IFT140: variants seen among roughly 807,000 people sequenced by gnomAD.
The protein encoded by IFT140 is intraflagellar transport protein 140 homolog.
Under a neutral mutation model 164.6 loss-of-function variants are expected in IFT140, and 133 were observed. That is an observed-to-expected ratio of 0.81 (90% confidence interval 0.70 to 0.93). The LOEUF is 0.93. IFT140 is among the 40% of genes least tolerant of loss of function. IFT140 has a pLI of 0.00. For synonymous variants in IFT140, 860 were observed against 817.3 expected, an observed-to-expected ratio of 1.05 and a Z score of -0.89; for missense variants, 2,045 against 1,972.3, an observed-to-expected ratio of 1.04 and a Z score of -0.70.
intron 15 of IFT140, 24 bp downstream of exon 15, chr16:1,568,193 C>T (rs370625485): frequency 2.5e-5 from 38 of 1,526,518 alleles, no homozygotes; most frequent in African/African-American, 1.5e-4. Flanking sequence ...GCGGAGTGGG[C>T]GAGTGGACGA....
intron 12 of IFT140, among the ~76,000 whole-genome samples, chr16:1,581,341 T>C (rs1017854303): frequency 1.1e-4 from 16 of 152,164 alleles, no homozygotes; most frequent in Non-Finnish European, 2.9e-5. Flanking sequence ...GGCTCACACC[T>C]GTAATCCCAG....
At chr16:1,536,311 C>G (rs1163850433) in intron 19 of IFT140, among the ~76,000 whole-genome samples, 1 of 152,242 alleles carries the variant, frequency 6.6e-6, no homozygotes, top group Non-Finnish European at 1.5e-5. Flanking sequence ...AGGCGCCCGG[C>G]TGTCCACTTG....
rs528350505 is a variant in IFT140 at position 1,568,270 on chromosome 16, C to A, written c.1717G>T (p.Ala573Ser). 7.4e-6 allele frequency: 12 copies of A among 1,613,010 alleles called. No individual in the cohort carries two copies. Among genetic ancestry groups the A allele is most frequent in the Non-Finnish European group, 1.0e-5 (12 of 1,179,816 alleles). The change falls in exon 15 of 31, where the codon GCT becomes TCT. Residue 573 changes from alanine (A) to serine (S), a missense_variant. Physicochemically the swap from Ala to Ser is moderately conservative, Grantham distance 99 (BLOSUM62 1). Coordinates refer to ENST00000426508, the MANE Select transcript of IFT140 (RefSeq NM_014714.4). ...AELVPGVGGI[A>S]SLRCSSSGST... ...CCGCTGCTGCTGCACCGCAGAGAAG[C>A]GATGCCCCCCACCCCAGGGACCAGC...
intron 4 of IFT140, among the ~76,000 whole-genome samples, chr16:1,596,464 G>A (rs891462136): frequency 3.3e-5 from 5 of 150,418 alleles, no homozygotes; most frequent in South Asian, 2.1e-4. Flanking sequence ...TTTCCAGGCT[G>A]CCACCTGGAA....
At chr16:1,522,593 C>T (rs76393829) in intron 26 of IFT140, among the ~76,000 whole-genome samples, 8,327 of 152,202 alleles carry the variant, frequency 0.055, 498 homozygotes, top group East Asian at 0.18. Flanking sequence ...GTAATCCCAG[C>T]AATTTGGGGG....
At chr16:1,568,035 G>C (rs1567381166) in intron 15 of IFT140, among the ~76,000 whole-genome samples, 182 bp downstream of exon 15, 1 of 152,186 alleles carries the variant, frequency 6.6e-6, no homozygotes, top group Non-Finnish European at 1.5e-5. Flanking sequence ...ATGCTGGGGA[G>C]GTTCCCGGAG....
At chr16:1,592,609 G>A (rs376046495) in intron 4 of IFT140, 21 bp from the exon 5 acceptor site, 7 of 1,611,622 alleles carry the variant, frequency 4.3e-6, no homozygotes, top group Admixed American at 1.7e-5. Flanking sequence ...CCAACACCAC[G>A]TGTTAGGACA....
rs560212226 is a variant in IFT140 at position 1,596,517 on chromosome 16, G to A, written c.370-3929C>T. 7.2e-5 allele frequency among the ~76,000 whole-genome samples: 11 copies of A among 152,316 alleles called. No individual in the cohort carries two copies. In the East Asian group the frequency reaches 1.9e-3, roughly 27 times the overall value. Reference sequence around the variant, plus strand: ...TGCTGCTCTGGGGGAAGAGGTTGTTGGATGCAAAAGTTTAGAGCGCCTGCG... The same window carrying A: ...TGCTGCTCTGGGGGAAGAGGTTGTTAGATGCAAAAGTTTAGAGCGCCTGCG... On this transcript the variant is annotated intron_variant, in intron 4 of 30. Transcript: ENST00000426508.
rs1216132660 is a variant in IFT140, at chr16:1,513,601, G to A, written c.4183-2451C>T. 3.9e-5 allele frequency among the ~76,000 whole-genome samples: 6 copies of A among 152,152 alleles called. No individual in the cohort carries two copies. In the East Asian group the frequency reaches 1.2e-3, roughly 29 times the overall value. The stretch of plus-strand genomic sequence containing the variant: ...ACGACGGACACATGGAAAGGCACTG[G>A]GGGCAGCCGTGAGCAGGCTGATGCT... On this transcript the variant is annotated intron_variant, in intron 30 of 30. Coordinates refer to ENST00000426508, the MANE Select transcript of IFT140 (RefSeq NM_014714.4).
chr16:1,520,292 C>G lies in IFT140; in HGVS notation c.3712G>C (p.Ala1238Pro). ...ATTTCCTTCTGCCTGGACACGCTCG[C>G]GAAGAACGTGATTTTCTCCGTGTCT... ...SGDTEKITFF[A>P]SVSRQKEIYI... The change falls in exon 28 of 31, where the codon GCG becomes CCG. Residue 1238 changes from alanine to proline, a missense_variant. Transcript: ENST00000426508. 2 of 1,614,168 alleles carry G rather than the reference C, an allele frequency of 1.2e-6. No homozygotes were observed. Among genetic ancestry groups the G allele is most frequent in the South Asian group, 2.2e-5 (2 of 91,088 alleles).
At chr16:1,571,671 C>A in intron 13 of IFT140, 137 bp from the exon 14 acceptor site, 1 of 927,996 alleles carries the variant, frequency 1.1e-6, no homozygotes, top group Non-Finnish European at 1.6e-6. Context: ...CTTGTACACT[C>A]CACTCATTCA....
chr16:1,578,318 C>G (rs973281711), intron 13 of IFT140: 1 of 152,108 alleles, frequency 6.6e-6, no homozygotes, highest in African/African-American at 2.4e-5. Flanking sequence ...AATGTGGCCG[C>G]CCCAGGCAAT....
intron 19 of IFT140, chr16:1,534,676 T>C: frequency 7.0e-7 from 1 of 1,425,912 alleles, no homozygotes; most frequent in Non-Finnish European, 9.6e-7. Context: ...GCCCTGAGCG[T>C]GGCCTCTGGG....
At chr16:1,550,722 T>G (rs901153654) in intron 19 of IFT140, among the ~76,000 whole-genome samples, 1 of 152,224 alleles carries the variant, frequency 6.6e-6, no homozygotes, top group Non-Finnish European at 1.5e-5. Flanking sequence ...CCTGCAAGCT[T>G]GACCCTCCAC....
chr16:1,525,046 A>T, intron 22 of IFT140, 130 bp from the exon 23 acceptor site: 1 of 1,368,354 alleles, frequency 7.3e-7, no homozygotes, highest in Non-Finnish European at 9.9e-7. Flanking sequence ...GCCAAGAGTG[A>T]GGACCCCTGG....
At chr16:1,592,099 C>T in intron 6 of IFT140, 77 bp downstream of exon 6, 1 of 1,502,150 alleles carries the variant, frequency 6.7e-7, no homozygotes, top group South Asian at 1.2e-5. Flanking sequence ...GCAGAAACGC[C>T]ATCTGTGAGT....
intron 19 of IFT140, chr16:1,534,067 G>C: frequency 9.8e-6 from 6 of 614,424 alleles, no homozygotes; most frequent in Non-Finnish European, 1.6e-5. Context: ...TTCAGCACAG[G>C]CCTGGCCCTG....
At chr16:1,555,113 C>T in intron 19 of IFT140, 1 of 1,492,740 alleles carries the variant, frequency 6.7e-7, no homozygotes, top group South Asian at 1.3e-5. Flanking sequence ...AGTCACTTCC[C>T]CTGCTCGTGC....
chr16:1,574,029 G>A (rs1451744355), intron 13 of IFT140, among the ~76,000 whole-genome samples: 1 of 152,144 alleles, frequency 6.6e-6, no homozygotes, highest in Non-Finnish European at 1.5e-5. Context: ...ACAGGTAGCT[G>A]AGAACTAACC....
Sources: allele counts gnomAD v4.1 joint callset (sites outside exome capture counted in the v4.1 genomes callset), GRCh38; gene constraint gnomAD v4.1.1; transcripts MANE v1.5; gene names NCBI Gene and HGNC (gene_info 2026-07-23, HGNC 2026-07-21).